CYTH3: variants seen among roughly 807,000 people sequenced by gnomAD.
The protein encoded by CYTH3 is cytohesin-3.
Under a neutral mutation model 55.1 loss-of-function variants are expected in CYTH3, and 23 were observed. That is an observed-to-expected ratio of 0.42 (90% CI 0.30 to 0.59). The LOEUF (loss-of-function observed/expected upper bound fraction) is 0.59. Ranked by LOEUF, CYTH3 falls within the 20% of genes least tolerant of loss-of-function variation. The pLI, the probability that CYTH3 is intolerant of heterozygous loss-of-function variation, is 0.20. For synonymous variants in CYTH3, 249 were observed against 194.9 expected, an observed-to-expected ratio of 1.28 and a Z score of -2.31; for missense variants, 413 against 524.8, an observed-to-expected ratio of 0.79 and a Z score of 2.08.
At chr7:6,261,879 G>A (rs1780362304) in intron 1 of CYTH3, among the ~76,000 whole-genome samples, 1 of 151,932 alleles carries the variant, frequency 6.6e-6, no homozygotes. Flanking sequence ...TGAAAACCAA[G>A]GATAAAACAG....
At chr7:6,204,268 A>G (rs1248980470) in intron 1 of CYTH3, among the ~76,000 whole-genome samples, 1 of 152,212 alleles carries the variant, frequency 6.6e-6, no homozygotes, top group Non-Finnish European at 1.5e-5. Flanking sequence ...ATGTGAAAAA[A>G]GAAAATAAAT....
intron 1 of CYTH3, among the ~76,000 whole-genome samples, chr7:6,260,627 T>A (rs1780329548): frequency 6.6e-6 from 1 of 152,052 alleles, no homozygotes; most frequent in African/African-American, 2.4e-5. Flanking sequence ...CATGTCCCCA[T>A]CCCCATTTTA....
chr7:6,272,540 G>T lies in CYTH3; in HGVS notation c.-33C>A. On this transcript the variant is annotated 5_prime_UTR_variant, in exon 1 of 13. Transcript: ENST00000350796. Reference sequence around the variant, plus strand: ...CCACTCCCGCAGCCGGCGAGCCGGGGGCCGGCAGCAGAGGGGCCGCGGGCT... The same window carrying T: ...CCACTCCCGCAGCCGGCGAGCCGGGTGCCGGCAGCAGAGGGGCCGCGGGCT... 1 of 1,310,390 alleles carries T rather than the reference G, an allele frequency of 7.6e-7. No homozygotes were observed. The highest frequency in any genetic ancestry group is 9.8e-7 in the Non-Finnish European group (1 of 1,017,416). The allele number at this position is 1,310,390 out of a possible 1,614,324, so 81.2% of individuals were successfully genotyped here. A position where few individuals can be genotyped will look rare whatever the true frequency, so the allele number is the denominator to read the frequency against.
chr7:6,219,570 T>G (rs1439096572), intron 1 of CYTH3, among the ~76,000 whole-genome samples: 1 of 152,142 alleles, frequency 6.6e-6, no homozygotes, highest in Non-Finnish European at 1.5e-5. Context: ...TTGAAGAGAT[T>G]TAAGCCTGTC....
rs1483270277 is a variant in CYTH3 at position 6,213,440 on chromosome 7, G to C, written c.35-22909C>G. Among the ~76,000 whole-genome samples the C allele has an allele frequency of 2.0e-5, 3 of 152,128 alleles. No individual in the cohort carries two copies. In the South Asian group the frequency reaches 6.2e-4, roughly 32 times the overall value. ...TTGTGTCAATCTTAAAGTCAAGAGG[G>C]CTTTAATAACGTTGGTGCCTATCTA... On this transcript the variant is annotated intron_variant, in intron 1 of 12. Coordinates refer to ENST00000350796, the MANE Select transcript of CYTH3 (RefSeq NM_004227.4).
At chr7:6,214,496 T>G (rs879465073) in intron 1 of CYTH3, among the ~76,000 whole-genome samples, 1 of 152,200 alleles carries the variant, frequency 6.6e-6, no homozygotes, top group Non-Finnish European at 1.5e-5. Flanking sequence ...ACCTACAGCA[T>G]CTGGCTCTTC....
chr7:6,233,826 T>C (rs941541292), intron 1 of CYTH3, among the ~76,000 whole-genome samples: 6 of 152,132 alleles, frequency 3.9e-5, no homozygotes, highest in Non-Finnish European at 8.8e-5. Flanking sequence ...AATCAATTTC[T>C]TACAAGTTCT....
intron 1 of CYTH3, among the ~76,000 whole-genome samples, chr7:6,223,323 A>G (rs1779135477): frequency 6.6e-6 from 1 of 152,236 alleles, no homozygotes; most frequent in African/African-American, 2.4e-5. Flanking sequence ...AAGTGTACCC[A>G]ACAGCTCTGA....
rs1222681557 is a variant in CYTH3, at chr7:6,165,868, A to G, written c.824-58T>C. The stretch of plus-strand genomic sequence containing the variant: ...CCGTGCACAGGGAGCCCGCGGGTCC[A>G]AGAGGGGGCCCTGGACCTGCACAGA... On this transcript the variant is annotated intron_variant, in intron 9 of 12. Transcript: ENST00000350796. 6 of 1,571,012 alleles carry G rather than the reference A, an allele frequency of 3.8e-6. No homozygotes were observed. In the African/African-American group the frequency reaches 5.4e-5, roughly 14 times the overall value.
chr7:6,190,299 T>C (rs988436815), intron 2 of CYTH3, 150 bp downstream of exon 2: 8 of 720,986 alleles, frequency 1.1e-5, no homozygotes, highest in African/African-American at 1.8e-5. Context: ...GTAGTTCTTA[T>C]ATGCACACAC....
chr7:6,223,523 A>G (rs910958269), intron 1 of CYTH3, among the ~76,000 whole-genome samples: 14 of 152,324 alleles, frequency 9.2e-5, no homozygotes, highest in Admixed American at 6.5e-4. Context: ...CTGTTAATCT[A>G]TAACCTTACC....
chr7:6,262,046 T>C (rs1780365812), intron 1 of CYTH3, among the ~76,000 whole-genome samples: 2 of 151,816 alleles, frequency 1.3e-5, no homozygotes, highest in Middle Eastern at 3.4e-3. Context: ...GAAAAGACAA[T>C]AATGGAAATT....
chr7:6,174,819 T>A (rs1783302856), intron 5 of CYTH3, among the ~76,000 whole-genome samples: 1 of 152,196 alleles, frequency 6.6e-6, no homozygotes, highest in Non-Finnish European at 1.5e-5. Flanking sequence ...AGTGCTGGGA[T>A]TACAGGCCTG....
At chr7:6,239,024 G>A (rs1038853041) in intron 1 of CYTH3, among the ~76,000 whole-genome samples, 4 of 152,120 alleles carry the variant, frequency 2.6e-5, no homozygotes, top group African/African-American at 9.7e-5. Flanking sequence ...GACCAGCCTG[G>A]CCAACATGGC....
intron 1 of CYTH3, among the ~76,000 whole-genome samples, chr7:6,225,775 G>C (rs1460450629): frequency 6.6e-6 from 1 of 152,006 alleles, no homozygotes; most frequent in Non-Finnish European, 1.5e-5. Context: ...CGCCTCCTGG[G>C]TTCAAGCGGT....
intron 1 of CYTH3, among the ~76,000 whole-genome samples, chr7:6,262,993 T>C (rs1562420023): frequency 6.6e-6 from 1 of 152,158 alleles, no homozygotes; most frequent in Non-Finnish European, 1.5e-5. Flanking sequence ...ACAATAGTTT[T>C]TTCCCCTGTT....
chr7:6,187,732 A>G lies in CYTH3; in HGVS notation c.118-11T>C. On this transcript the variant is annotated splice_polypyrimidine_tract_variant and intron_variant, in intron 2 of 12. Transcript: ENST00000350796. The stretch of plus-strand genomic sequence containing the variant: ...TTCATATTTCAGCCTCTGTCAAAAA[A>G]GAAGAATTTCGAGGTGGGGAGTGGG... 6.2e-7 allele frequency: 1 copy of G among 1,613,860 alleles called. No homozygotes were observed. Among genetic ancestry groups the G allele is most frequent in the Admixed American group, 1.7e-5 (1 of 60,012 alleles).
chr7:6,266,431 A>C (rs1277172741), intron 1 of CYTH3, among the ~76,000 whole-genome samples: 2 of 152,222 alleles, frequency 1.3e-5, no homozygotes, highest in Non-Finnish European at 2.9e-5. Flanking sequence ...ATATTAGCTA[A>C]AATTATTGAA....
intron 1 of CYTH3, 149 bp from the exon 2 acceptor site, chr7:6,190,680 C>A (rs574306015): frequency 1.5e-4 from 87 of 567,154 alleles, no homozygotes; most frequent in African/African-American, 1.5e-3. Flanking sequence ...ATCTGAGACA[C>A]TCATAGGAGC....
Sources: allele counts gnomAD v4.1 joint callset (sites outside exome capture counted in the v4.1 genomes callset), GRCh38; gene constraint gnomAD v4.1.1; transcripts MANE v1.5; gene names NCBI Gene and HGNC (gene_info 2026-07-23, HGNC 2026-07-21).